The following SYNE1 variants were observed in gnomAD, a reference collection of about 807,000 sequenced individuals.
SYNE1 encodes the protein nesprin-1.
SYNE1 carries 616 observed loss-of-function variants against 1,111.0 expected under a neutral mutation model. The ratio of observed to expected loss-of-function variants is 0.55; its 90% confidence interval spans 0.52 to 0.59. The LOEUF is 0.59. Among genes scored for constraint, SYNE1 ranks in the 20% least tolerant of loss-of-function variants. The probability of loss-of-function intolerance (pLI) is 0.00; values close to 1 mark genes in which losing one functional copy is unlikely to be tolerated. For synonymous variants in SYNE1, 3,855 were observed against 3,825.8 expected, an observed-to-expected ratio of 1.01 and a Z score of -0.28; for missense variants, 10,006 against 10,417.0, an observed-to-expected ratio of 0.96 and a Z score of 1.72.
In SYNE1 at chr6:152,284,068, C is replaced by G; in HGVS notation, c.18117G>C (p.Glu6039Asp). 6.2e-7 allele frequency: 1 copy of G among 1,614,204 alleles called. No individual in the cohort carries two copies. The highest frequency in any genetic ancestry group is 1.1e-5 in the South Asian group (1 of 91,086). ...TGAGCGTGGACTGCAAGGCCAGCTG[C>G]TCCGCAGGGTCGGCCTCACAAGACT... Reference protein sequence around the residue: ...VSESCEADPAEQLALQSTLTV... With the variant: ...VSESCEADPADQLALQSTLTV... The change falls in exon 96 of 146, where the codon GAG (glutamate) becomes GAC (aspartate). Residue 6039 changes from glutamate (E) to aspartate (D), a missense_variant. Glu to Asp is a conservative substitution (Grantham distance 45, BLOSUM62 2). Transcript: ENST00000367255.
intron 51 of SYNE1, among the ~76,000 whole-genome samples, chr6:152,393,548 A>C (rs2097681548): frequency 6.6e-6 from 1 of 151,846 alleles, no homozygotes; most frequent in East Asian, 1.9e-4. Flanking sequence ...ATAGATCTTA[A>C]GTCACTGATC....
At chr6:152,203,119 G>A (rs778906236) in intron 126 of SYNE1, among the ~76,000 whole-genome samples, 3 of 152,014 alleles carry the variant, frequency 2.0e-5, no homozygotes, top group Non-Finnish European at 4.4e-5. Flanking sequence ...ACAGCAAACT[G>A]GTAACAATGG....
Position 152,233,857 on chromosome 6 carries a change from G to A in SYNE1, c.20636C>T (p.Ser6879Phe), listed in dbSNP as rs769820392. 4 of 1,614,198 alleles carry A rather than the reference G, an allele frequency of 2.5e-6. No individual in the cohort carries two copies. In the Admixed American group the frequency reaches 5.0e-5, roughly 20 times the overall value. The part of the protein sequence containing the change: ...LKKVDTATLR[S>F]ELSRIDSQWT... ...CTGGCTATCAATGCGCGACAGCTCA[G>A]AGCGCAGCGTGGCTGTGTCCACCTT... The change falls in exon 112 of 146, where the codon TCT becomes TTT. Residue 6879 changes from serine (S) to phenylalanine (F), a missense_variant. By Grantham distance (155) the Ser-to-Phe change is radical. Transcript: ENST00000367255.
At chr6:152,404,425 T>C in intron 45 of SYNE1, 111 bp from the exon 46 acceptor site, 1 of 789,666 alleles carries the variant, frequency 1.3e-6, no homozygotes. Flanking sequence ...TTTAAGCCAG[T>C]GTAAAAAAAA....
At position 152,466,107 on chromosome 6, in the gene SYNE1, G is replaced by A. The variant is rs189078845; in HGVS notation, c.1633-29C>T. On this transcript the variant is annotated intron_variant, in intron 16 of 145. Transcript: ENST00000367255. ...GAAAAGGAGGAATGGTTAGAAGATA[G>A]CAAACATTAGGCTCATGTAGAATGC... 233 of 1,404,286 alleles carry A rather than the reference G, an allele frequency of 1.7e-4. 1 individual carries two copies. The African/African-American group carries it at 2.6e-3, about 16-fold the overall frequency. The allele number at this position is 1,404,286 out of a possible 1,614,324, so 87.0% of individuals were successfully genotyped here.
chr6:152,400,300 G>A (rs2097793160), intron 47 of SYNE1, among the ~76,000 whole-genome samples: 3 of 151,988 alleles, frequency 2.0e-5, no homozygotes, highest in Admixed American at 2.0e-4. Flanking sequence ...TGCATTTGTT[G>A]AAAAGTCAAC....
intron 89 of SYNE1, 70 bp downstream of exon 89, chr6:152,310,325 AT>A: frequency 6.3e-7 from 1 of 1,598,444 alleles, no homozygotes. Flanking sequence ...TTTAGGAGGC[AT>A]TTTTCCTTAC....
In SYNE1 at chr6:152,219,336, C is replaced by T. The variant is rs138109753; in HGVS notation, c.21862-151G>A. On this transcript the variant is annotated intron_variant, in intron 119 of 145. Transcript: ENST00000367255. ...AACTTCACCTGTGGAAAAATGAACA[C>T]GCACTGAACCCCATTTTTTAAAATG... 1.2e-3 allele frequency: 882 copies of T among 762,922 alleles called. 3 individuals are homozygous for T. Among genetic ancestry groups the T allele is most frequent in the Middle Eastern group, 2.1e-3 (6 of 2,846 alleles). The allele number at this position is 762,922 out of a possible 1,614,324, so 47.3% of individuals were successfully genotyped here.
Position 152,358,595 on chromosome 6 carries a change from T to G in SYNE1, c.10444-58A>C, listed in dbSNP as rs938310713. 1.5e-5 allele frequency: 23 copies of G among 1,558,382 alleles called. No homozygotes were observed. The African/African-American group carries it at 2.9e-4, about 19-fold the overall frequency. On this transcript the variant is annotated intron_variant, in intron 65 of 145. Transcript: ENST00000367255. Reference sequence around the variant, plus strand: ...AACACATTACTTTATAAAGCATCAGTGTGCTGTAATTCACTTTTGTAATTT... The same window carrying G: ...AACACATTACTTTATAAAGCATCAGGGTGCTGTAATTCACTTTTGTAATTT...
At chr6:152,237,065 T>C in intron 108 of SYNE1, 117 bp from the exon 109 acceptor site, 1 of 1,388,872 alleles carries the variant, frequency 7.2e-7, no homozygotes, top group Non-Finnish European at 9.9e-7. Context: ...CAGAGATGTT[T>C]GCGTTGGGCC....
intron 40 of SYNE1, among the ~76,000 whole-genome samples, chr6:152,417,308 C>G (rs1290997785): frequency 6.6e-6 from 1 of 152,162 alleles, no homozygotes; most frequent in Non-Finnish European, 1.5e-5. Flanking sequence ...ACCATCCTGG[C>G]TAACACGGTG....
At chr6:152,160,077 G>A (rs1468580431) in intron 131 of SYNE1, among the ~76,000 whole-genome samples, 2 of 151,860 alleles carry the variant, frequency 1.3e-5, no homozygotes, top group Non-Finnish European at 2.9e-5. Context: ...CGCGATCTCC[G>A]CTCACTGCAA....
Position 152,399,702 on chromosome 6 carries a change from C to T in SYNE1, c.7151G>A (p.Gly2384Asp), listed in dbSNP as rs112585038. 6.2e-7 allele frequency: 1 copy of T among 1,614,142 alleles called. No homozygotes were observed. The change falls in exon 48 of 146, where the codon GGT (glycine) becomes GAT (aspartate). Residue 2384 changes from glycine (G) to aspartate (D), a missense_variant. Physicochemically the swap from Gly to Asp is moderately conservative, Grantham distance 94 (BLOSUM62 -1). Around this residue, in one of 7 missense-constraint regions of SYNE1, gnomAD observed 4,955 missense variants for 5,017.2 expected, o/e 0.99. Transcript: ENST00000367255. Reference protein sequence around the residue: ...ELESLGRAMTGLIKKHEAVSQ... With the variant: ...ELESLGRAMTDLIKKHEAVSQ... ...CACGGCTTCATGTTTCTTTATCAGA[C>T]CAGTCATTGCACGGCCCAGGCTCTC...
chr6:152,509,445 TG>T (rs2099074368), intron 8 of SYNE1, among the ~76,000 whole-genome samples: 4 of 151,870 alleles, frequency 2.6e-5, no homozygotes. Context: ...TTAGTAGAGA[TG>T]GGGTTTCACC....
At chr6:152,306,367 T>A (rs1022455454) in intron 91 of SYNE1, among the ~76,000 whole-genome samples, 4 of 151,720 alleles carry the variant, frequency 2.6e-5, no homozygotes, top group Non-Finnish European at 5.9e-5. Context: ...GCGCCTGTAA[T>A]CCCAGCTACT....
chr6:152,200,075 C>T (rs1016772723), intron 127 of SYNE1, among the ~76,000 whole-genome samples: 7 of 152,178 alleles, frequency 4.6e-5, no homozygotes, highest in Non-Finnish European at 8.8e-5. Context: ...TTCTACCCCC[C>T]CAACTCGAGC....
chr6:152,360,256 C>T (rs186481077), intron 64 of SYNE1, among the ~76,000 whole-genome samples: 21 of 152,318 alleles, frequency 1.4e-4, no homozygotes, highest in African/African-American at 4.8e-4. Flanking sequence ...TCAAACTCCC[C>T]TTGCAGCCCC....
Position 152,637,243 on chromosome 6 carries a change from G to GACCC in SYNE1, c.-450_-447dup, listed in dbSNP as rs1362363329. 1 of 152,256 alleles carries GACCC rather than the reference G, an allele frequency of 6.6e-6. No individual in the cohort carries two copies. Among genetic ancestry groups the GACCC allele is most frequent in the African/African-American group, 2.4e-5 (1 of 41,466 alleles). The allele number at this position is 152,256 out of a possible 1,614,324, so 9.4% of individuals were successfully genotyped here. A position where few individuals can be genotyped will look rare whatever the true frequency, so the allele number is the denominator to read the frequency against. On this transcript the variant is annotated 5_prime_UTR_variant, in exon 1 of 146. Transcript: ENST00000367255. The stretch of plus-strand genomic sequence containing the variant: ...CTCCGCAGCTGCAAAGCTGTGCTGT[G>GACCC]ACCCACCCGCTCAGCGAGCCTTTAT...
chr6:152,405,406 T>C (rs767841375), intron 45 of SYNE1, among the ~76,000 whole-genome samples: 1 of 152,208 alleles, frequency 6.6e-6, no homozygotes, highest in Non-Finnish European at 1.5e-5. Context: ...TCACAGAACA[T>C]GGAGTTGAAG....
Sources: gnomAD v4.1 joint callset for allele counts (sites outside exome capture counted in the v4.1 genomes callset) on GRCh38, gnomAD v4.1.1 for gene constraint, gnomAD v4.1.1 regional missense constraint, MANE v1.5 for transcripts, NCBI Gene and HGNC (gene_info 2026-07-23, HGNC 2026-07-21) for gene names.